NEK5: variants seen among roughly 807,000 people sequenced by gnomAD.
The protein encoded by NEK5 is serine/threonine-protein kinase Nek5.
A neutral mutation model predicts 109.2 loss-of-function variants in NEK5; 88 were observed. The observed-to-expected ratio is 0.81, with a 90% CI of 0.68 to 0.96. The LOEUF (loss-of-function observed/expected upper bound fraction) is 0.96, where lower values mean the gene tolerates loss of function less well. Among genes scored for constraint, NEK5 ranks in the 40% least tolerant of loss-of-function variants. The pLI is 0.00. For missense variants in NEK5, 834 were observed against 920.7 expected, an observed-to-expected ratio of 0.91 and a Z score of 1.22; for synonymous variants, 283 against 299.9, an observed-to-expected ratio of 0.94 and a Z score of 0.58.
chr13:52,095,840 G>A (rs1293027537), intron 12 of NEK5, among the ~76,000 whole-genome samples: 4 of 152,150 alleles, frequency 2.6e-5, no homozygotes, highest in African/African-American at 7.2e-5. Context: ...TTGGATTTGT[G>A]TCTCAGCCTG....
intron 23 of NEK5, among the ~76,000 whole-genome samples, chr13:52,040,081 CTTT>C (rs59617490): frequency 0.013 from 1,560 of 120,342 alleles, 11 homozygotes; most frequent in Admixed American, 0.037. Context: ...TCTACTGGCA[CTTT>C]TTTTTTTTTT....
chr13:52,055,166 A>C, intron 22 of NEK5, among the ~76,000 whole-genome samples: 1 of 152,234 alleles, frequency 6.6e-6, no homozygotes, highest in Non-Finnish European at 1.5e-5. Flanking sequence ...AAGCCTCAGG[A>C]GCCGATGCGA....
chr13:52,082,397 G>T, intron 17 of NEK5: 1 of 1,142,240 alleles, frequency 8.8e-7, no homozygotes, highest in East Asian at 8.1e-5. Flanking sequence ...AGCACACTTG[G>T]GCTTCTTATT....
chr13:52,076,248 AT>A lies in NEK5; in HGVS notation c.1573-106del, dbSNP rs540089695. 117 of 637,906 alleles carry A rather than the reference AT, an allele frequency of 1.8e-4. No homozygotes were observed. The South Asian group carries it at 2.2e-3, about 12-fold the overall frequency. The allele number at this position is 637,906 out of a possible 1,614,324, so 39.5% of individuals were successfully genotyped here. On this transcript the variant is annotated intron_variant, in intron 17 of 23. Coordinates refer to ENST00000684899, the MANE Select transcript of NEK5 (RefSeq NM_001365552.1). The stretch of plus-strand genomic sequence containing the variant: ...TTAATAACAAAAACAAGCTTTTATA[AT>A]GGAAAGTTAATAATAATTAACTAAA...
chr13:52,043,321 A>G (rs1433307604), intron 23 of NEK5, among the ~76,000 whole-genome samples: 1 of 151,828 alleles, frequency 6.6e-6, no homozygotes, highest in African/African-American at 2.4e-5. Flanking sequence ...GGTGAATCAC[A>G]AGGTCAGGAG....
At chr13:52,091,484 C>T (rs1364362458) in intron 13 of NEK5, among the ~76,000 whole-genome samples, 1 of 152,194 alleles carries the variant, frequency 6.6e-6, no homozygotes, top group Non-Finnish European at 1.5e-5. Context: ...AAAACATATG[C>T]TTTTCCCGTT....
At chr13:52,044,622 A>G (rs764025132) in intron 23 of NEK5, among the ~76,000 whole-genome samples, 2 of 152,222 alleles carry the variant, frequency 1.3e-5, no homozygotes, top group Non-Finnish European at 2.9e-5. Flanking sequence ...CTCAAACAGT[A>G]GGGTTTCTAG....
intron 22 of NEK5, among the ~76,000 whole-genome samples, chr13:52,052,829 T>A (rs1361904846): frequency 6.6e-6 from 1 of 152,208 alleles, no homozygotes; most frequent in Non-Finnish European, 1.5e-5. Flanking sequence ...CTGGCAATCT[T>A]GTCTTGACTA....
intron 9 of NEK5, among the ~76,000 whole-genome samples, chr13:52,103,931 T>C (rs1188799169): frequency 6.6e-6 from 1 of 152,194 alleles, no homozygotes; most frequent in Non-Finnish European, 1.5e-5. Flanking sequence ...ATTTTTCTTT[T>C]GCTGAACGTA....
chr13:52,120,507 A>G (rs539051924), intron 3 of NEK5, among the ~76,000 whole-genome samples: 9 of 152,158 alleles, frequency 5.9e-5, no homozygotes, highest in Non-Finnish European at 1.3e-4. Flanking sequence ...AAACACCCCA[A>G]CAGAAAAATA....
intron 19 of NEK5, among the ~76,000 whole-genome samples, chr13:52,075,388 A>C (rs1954849365): frequency 6.6e-6 from 1 of 152,178 alleles, no homozygotes; most frequent in Non-Finnish European, 1.5e-5. Flanking sequence ...TTACATAGGG[A>C]TAGAAAACCA....
intron 21 of NEK5, among the ~76,000 whole-genome samples, chr13:52,064,497 TG>T (rs1158823915): frequency 1.4e-4 from 18 of 131,038 alleles, no homozygotes; most frequent in Non-Finnish European, 9.8e-5. Flanking sequence ...GGGAGGGAGG[TG>T]GGGGGGTCAG....
intron 17 of NEK5, among the ~76,000 whole-genome samples, chr13:52,080,659 A>G (rs1257805963): frequency 1.3e-5 from 2 of 152,118 alleles, no homozygotes; most frequent in African/African-American, 2.4e-5. Context: ...AGGGCGGTGC[A>G]AGATGTGCTT....
At chr13:52,117,429 A>T (rs910150709) in intron 4 of NEK5, among the ~76,000 whole-genome samples, 1 of 152,188 alleles carries the variant, frequency 6.6e-6, no homozygotes, top group Non-Finnish European at 1.5e-5. Context: ...TTTCCTAAAC[A>T]CAGGGGTGCT....
intron 12 of NEK5, among the ~76,000 whole-genome samples, chr13:52,098,306 C>T (rs915260447): frequency 2.3e-5 from 3 of 132,976 alleles, no homozygotes; most frequent in African/African-American, 8.0e-5. Context: ...ATAAATAAAG[C>T]CCTTTATCAA....
chr13:52,055,258 A>G (rs953079816), intron 22 of NEK5, among the ~76,000 whole-genome samples: 8 of 152,322 alleles, frequency 5.3e-5, no homozygotes, highest in African/African-American at 1.9e-4. Context: ...AAAAAAGAAT[A>G]AAAAGAAACG....
rs943928421 is a variant in NEK5, at chr13:52,083,300, G to A, written c.1532C>T (p.Pro511Leu). 1.9e-6 allele frequency: 3 copies of A among 1,613,380 alleles called. No homozygotes were observed. Among genetic ancestry groups the A allele is most frequent in the Non-Finnish European group, 2.5e-6 (3 of 1,179,328 alleles). The stretch of plus-strand genomic sequence containing the variant: ...TCCCTCAGATGCATCTTGATGGACA[G>A]GCAGGTTACTCTTCTTCACCAAATA... ...KTYLVKKSNL[P>L]VHQDASEGEA... Residue 511 changes from proline to leucine, a missense_variant, in exon 17 of 24, where the codon CCT becomes CTT. Physicochemically the swap from Pro to Leu is moderately conservative, Grantham distance 98. Transcript: ENST00000684899.
At chr13:52,100,449 A>G (rs991895014) in intron 11 of NEK5, among the ~76,000 whole-genome samples, 5 of 152,198 alleles carry the variant, frequency 3.3e-5, no homozygotes, top group Admixed American at 3.3e-4. Context: ...TTTAGTAAAG[A>G]CATGGTTTGG....
At chr13:52,053,370 T>C (rs931217342) in intron 22 of NEK5, among the ~76,000 whole-genome samples, 1 of 152,216 alleles carries the variant, frequency 6.6e-6, no homozygotes. Context: ...CTTATGAAGC[T>C]ACAAAACCTG....
Sources: allele counts gnomAD v4.1 joint callset (sites outside exome capture counted in the v4.1 genomes callset), GRCh38; gene constraint gnomAD v4.1.1; transcripts MANE v1.5; gene names NCBI Gene and HGNC (gene_info 2026-07-23, HGNC 2026-07-21).